PCNX1: variants seen among roughly 807,000 people sequenced by gnomAD.
PCNX1 encodes the protein pecanex 1.
PCNX1 carries 78 observed loss-of-function variants against 242.2 expected under a neutral mutation model. The ratio of observed to expected loss-of-function variants is 0.32; its 90% CI spans 0.27 to 0.39. The LOEUF is 0.39. PCNX1 is among the 10% of genes least tolerant of loss of function. The pLI is 1.00. For synonymous variants in PCNX1, 1,024 were observed against 1,032.9 expected, an observed-to-expected ratio of 0.99 and a Z score of 0.17; for missense variants, 2,581 against 2,856.5, an observed-to-expected ratio of 0.90 and a Z score of 2.20.
intron 27 of PCNX1, among the ~76,000 whole-genome samples, chr14:71,074,782 A>T (rs964793093): frequency 1.3e-5 from 2 of 152,028 alleles, no homozygotes; most frequent in Admixed American, 6.6e-5. Flanking sequence ...ACCCCCTAGA[A>T]CCCAAGGGTA....
chr14:71,037,500 G>C (rs1421522793), intron 19 of PCNX1, among the ~76,000 whole-genome samples: 16 of 150,670 alleles, frequency 1.1e-4, no homozygotes, highest in South Asian at 6.3e-4. Context: ...TAGCATGAAG[G>C]GTTGTTGAAT....
At chr14:70,997,214 A>G (rs930311950) in intron 8 of PCNX1, among the ~76,000 whole-genome samples, 4 of 152,114 alleles carry the variant, frequency 2.6e-5, no homozygotes, top group Admixed American at 1.3e-4. Flanking sequence ...TCAGTTATGT[A>G]ATAACTTTAT....
In PCNX1 at chr14:71,007,962, G is replaced by A. The variant is rs186392229; in HGVS notation, c.2630-1672G>A. ...GAATGACTTATGACTAAAAGATGGG[G>A]GTGGGGAGTGTCTTAAATAATTTAC... On this transcript the variant is annotated intron_variant, in intron 8 of 35. Coordinates refer to ENST00000304743, the MANE Select transcript of PCNX1 (RefSeq NM_014982.3). Among the ~76,000 whole-genome samples, 459 of 152,028 alleles carry A rather than the reference G, an allele frequency of 3.0e-3. 2 individuals are homozygous for A. The highest frequency in any genetic ancestry group is 5.6e-3 in the Admixed American group (86 of 15,272).
chr14:70,947,611 C>G (rs1441119819), intron 2 of PCNX1, among the ~76,000 whole-genome samples: 1 of 152,134 alleles, frequency 6.6e-6, no homozygotes. Flanking sequence ...CCGTCTTCTT[C>G]TTAAGCTGAG....
chr14:71,008,957 TAAAA>T (rs1243579433), intron 8 of PCNX1, among the ~76,000 whole-genome samples: 3 of 152,156 alleles, frequency 2.0e-5, no homozygotes, highest in African/African-American at 7.2e-5. Flanking sequence ...TTAAGAGAAT[TAAAA>T]AAATCTGTAT....
intron 18 of PCNX1, 56 bp from the exon 19 acceptor site, chr14:71,036,009 A>C (rs2060521056): frequency 8.1e-7 from 1 of 1,236,674 alleles, no homozygotes; most frequent in Admixed American, 1.8e-5. Flanking sequence ...GAATAAAGGA[A>C]AAAGATTTTT....
chr14:70,948,594 GAT>G (rs748363443), intron 2 of PCNX1, among the ~76,000 whole-genome samples: 3 of 142,082 alleles, frequency 2.1e-5, no homozygotes, highest in South Asian at 4.3e-4. Flanking sequence ...TGCATATATA[GAT>G]ATGTGTATAT....
chr14:71,019,231 A>G, intron 12 of PCNX1, 69 bp downstream of exon 12: 2 of 1,176,600 alleles, frequency 1.7e-6, no homozygotes, highest in Non-Finnish European at 2.4e-6. Flanking sequence ...TTTTGTAGCA[A>G]TTACTGAATT....
chr14:71,079,750 C>G (rs971405986), intron 28 of PCNX1, among the ~76,000 whole-genome samples: 1 of 151,438 alleles, frequency 6.6e-6, no homozygotes, highest in Admixed American at 6.6e-5. Flanking sequence ...AATTTAAATT[C>G]CTTGTAGATT....
chr14:71,023,288 T>A, intron 13 of PCNX1, 56 bp downstream of exon 13: 2 of 1,339,264 alleles, frequency 1.5e-6, no homozygotes, highest in Non-Finnish European at 2.1e-6. Context: ...TATCATAATA[T>A]TTGTGGTTTG....
At chr14:70,910,248 A>G (rs2055836456) in intron 1 of PCNX1, among the ~76,000 whole-genome samples, 1 of 32,062 alleles carries the variant, frequency 3.1e-5, no homozygotes, top group East Asian at 6.8e-4. Context: ...CACCATCATC[A>G]TCACGGCCAT....
At chr14:70,927,870 G>A (rs527971965) in intron 1 of PCNX1, among the ~76,000 whole-genome samples, 3 of 152,246 alleles carry the variant, frequency 2.0e-5, no homozygotes, top group Admixed American at 6.5e-5. Context: ...TTACAGGTGT[G>A]AGCCACTGCG....
chr14:70,939,994 A>G (rs928175457), intron 1 of PCNX1, among the ~76,000 whole-genome samples: 2 of 151,856 alleles, frequency 1.3e-5, no homozygotes, highest in African/African-American at 4.8e-5. Context: ...ATCTTCCTTC[A>G]TCCCTTTATT....
chr14:71,047,207 A>C, intron 21 of PCNX1, 102 bp downstream of exon 21: 1 of 676,234 alleles, frequency 1.5e-6, no homozygotes, highest in Non-Finnish European at 2.2e-6. Context: ...CCTTCATGCA[A>C]GGCACTGTGA....
At chr14:71,061,108 A>G (rs1299504401) in intron 26 of PCNX1, among the ~76,000 whole-genome samples, 1 of 152,226 alleles carries the variant, frequency 6.6e-6, no homozygotes, top group Non-Finnish European at 1.5e-5. Flanking sequence ...GATACTGGAA[A>G]GGACTTTCAT....
At position 70,991,155 on chromosome 14, in the gene PCNX1, C is replaced by G. The variant is rs184187613; in HGVS notation, c.2444+2456C>G. Among the ~76,000 whole-genome samples the G allele has an allele frequency of 1.1e-3, 169 of 149,836 alleles. 1 individual carries two copies. Among genetic ancestry groups the G allele is most frequent in the Non-Finnish European group, 1.7e-3 (113 of 67,604 alleles). On this transcript the variant is annotated intron_variant, in intron 7 of 35. Coordinates refer to ENST00000304743, the MANE Select transcript of PCNX1 (RefSeq NM_014982.3). The stretch of plus-strand genomic sequence containing the variant: ...TCACATACAATTTTCCCATGTTTTT[C>G]TAGGGTTTGGAATACATTACCATTC...
chr14:71,047,914 A>G lies in PCNX1; in HGVS notation c.4268A>G (p.Lys1423Arg). ...GTCATCTTTACTGTGCTGTTTTTCA[A>G]ATTTGACTATGAAGCTTTTTCAGAG... ...VTVIFTVLFFKFDYEAFSETM... is the reference protein window; with the variant it reads ...VTVIFTVLFFRFDYEAFSETM... Residue 1423 changes from lysine (K) to arginine (R), a missense_variant, in exon 22 of 36, where the codon AAA becomes AGA. Lys to Arg is a conservative substitution (Grantham distance 26). Transcript: ENST00000304743. 1 of 1,613,346 alleles carries G rather than the reference A, an allele frequency of 6.2e-7. No homozygotes were observed. Among genetic ancestry groups the G allele is most frequent in the Non-Finnish European group, 8.5e-7 (1 of 1,179,502 alleles).
intron 8 of PCNX1, among the ~76,000 whole-genome samples, chr14:70,996,987 G>A (rs939378035): frequency 6.6e-6 from 1 of 152,082 alleles, no homozygotes; most frequent in Non-Finnish European, 1.5e-5. Context: ...CTTGAAAATG[G>A]TAATCTAAGA....
intron 16 of PCNX1, 67 bp from the exon 17 acceptor site, chr14:71,033,362 A>G: frequency 1.3e-6 from 1 of 782,852 alleles, no homozygotes; most frequent in Non-Finnish European, 2.1e-6. Flanking sequence ...AAATACGTAC[A>G]TAAAAGGATT....
Sources: gnomAD v4.1 joint callset for allele counts (sites outside exome capture counted in the v4.1 genomes callset) on GRCh38, gnomAD v4.1.1 for gene constraint, MANE v1.5 for transcripts, NCBI Gene and HGNC (gene_info 2026-07-23, HGNC 2026-07-21) for gene names.